HOOK2: variants seen among roughly 807,000 people sequenced by gnomAD.
HOOK2 encodes the protein hook microtubule tethering protein 2.
Under a neutral mutation model 111.9 loss-of-function variants are expected in HOOK2, and 108 were observed. That is an observed-to-expected ratio of 0.96 (90% CI 0.83 to 1.13). The LOEUF (loss-of-function observed/expected upper bound fraction) is 1.13, where lower values mean the gene tolerates loss of function less well. Among genes scored for constraint, HOOK2 ranks in the 50% most tolerant of loss-of-function variants. HOOK2 has a pLI of 0.00. For missense variants in HOOK2, 978 were observed against 951.3 expected, an observed-to-expected ratio of 1.03 and a Z score of -0.37; for synonymous variants, 405 against 394.3, an observed-to-expected ratio of 1.03 and a Z score of -0.32.
In HOOK2 at chr19:12,792,279, G is replaced by A. The variant is rs1449594379; in HGVS notation, n.42-18054C>T. 2 of 1,494,832 alleles carry A rather than the reference G, an allele frequency of 1.3e-6. No individual in the cohort carries two copies. Among genetic ancestry groups the A allele is most frequent in the Middle Eastern group, 1.8e-4 (1 of 5,702 alleles). The allele number at this position is 1,494,832 out of a possible 1,614,324, so 92.6% of individuals were successfully genotyped here. A position where few individuals can be genotyped will look rare whatever the true frequency, so the allele number is the denominator to read the frequency against. On this transcript the variant is annotated intron_variant and non_coding_transcript_variant, in intron 3 of 3. Coordinates refer to the HOOK2 transcript ENST00000589765. Reference sequence around the variant, plus strand: ...TACCGGGGGGCCCCCGGCTGGGCCCGGGGGCGTCTACGCCGGCCCGGAGCC... The same window carrying A: ...TACCGGGGGGCCCCCGGCTGGGCCCAGGGGCGTCTACGCCGGCCCGGAGCC...
chr19:12,782,923 C>T (rs1032308094), upstream of HOOK2, among the ~76,000 whole-genome samples: 6 of 151,714 alleles, frequency 4.0e-5, no homozygotes, highest in East Asian at 1.9e-4. Context: ...GAGCTTCCCG[C>T]GTAGCCAGGC....
rs1315536660 is a variant in HOOK2, at chr19:12,769,901, G to T, written c.1084C>A (p.Leu362Met). The change falls in exon 11 of 23, where the codon CTG (leucine) becomes ATG (methionine). Residue 362 changes from leucine to methionine, a missense_variant. This residue lies in a region of HOOK2 where 388 missense variants were observed against 358.3 expected (regional missense o/e 1.08). Transcript: ENST00000397668. Reference protein sequence around the residue: ...LRRAGSLRAQLEAQRRQVQEL... With the variant: ...LRRAGSLRAQMEAQRRQVQEL... ...CGCACCTGCCGCCGCTGCGCCTCCA[G>T]CTGGGCGCGCAGGGAGCCCGCTCGG... is the stretch of plus-strand genomic sequence containing the variant. 6.7e-7 allele frequency: 1 copy of T among 1,496,192 alleles called. No homozygotes were observed. Among genetic ancestry groups the T allele is most frequent in the East Asian group, 2.8e-5 (1 of 36,130 alleles). 92.7% of individuals were successfully genotyped at this position (1,496,192 alleles called of 1,614,324 possible). A position where few individuals can be genotyped will look rare whatever the true frequency, so the allele number is the denominator to read the frequency against.
At chr19:12,771,768 G>T (rs1240191365) in intron 7 of HOOK2, 1 of 433,120 alleles carries the variant, frequency 2.3e-6, no homozygotes, top group Admixed American at 3.6e-5. Context: ...TGTAGTCCTG[G>T]CTACTCGGGA....
upstream of HOOK2, among the ~76,000 whole-genome samples, chr19:12,776,226 G>A (rs1371375256): frequency 6.6e-6 from 1 of 151,916 alleles, no homozygotes; most frequent in Non-Finnish European, 1.5e-5. Flanking sequence ...CCGTTGTGCG[G>A]GGAGGGGCGA....
chr19:12,768,334 G>A (rs1023820750), intron 11 of HOOK2, among the ~76,000 whole-genome samples: 2 of 151,900 alleles, frequency 1.3e-5, no homozygotes, highest in Non-Finnish European at 2.9e-5. Flanking sequence ...GCCTCAAGCA[G>A]TCCTCCCACT....
intron 1 of HOOK2, 94 bp from the exon 2 acceptor site, chr19:12,774,991 ATGG>A: frequency 1.6e-6 from 2 of 1,257,832 alleles, no homozygotes; most frequent in Non-Finnish European, 2.2e-6. Context: ...CGAACCTCAC[ATGG>A]TGGGGCGGGC....
At chr19:12,776,491 C>T (rs1441667281), upstream of HOOK2, among the ~76,000 whole-genome samples, 1 of 151,304 alleles carries the variant, frequency 6.6e-6, no homozygotes, top group African/African-American at 2.4e-5. Context: ...ACCAGCCTGG[C>T]CAACATGGTG....
chr19:12,786,143 A>C lies in HOOK2; in HGVS notation n.42-11918T>G, dbSNP rs1968654023. Among the ~76,000 whole-genome samples, 1 of 152,142 alleles carries C rather than the reference A, an allele frequency of 6.6e-6. No homozygotes were observed. The highest frequency in any genetic ancestry group is 2.4e-5 in the African/African-American group (1 of 41,436). Reference sequence around the variant, plus strand: ...AGGGGGCAAAGGACCCCCAAACCACAGAGGTGGGAGAGGGAGGCGGCTGGT... The same window carrying C: ...AGGGGGCAAAGGACCCCCAAACCACCGAGGTGGGAGAGGGAGGCGGCTGGT... On this transcript the variant is annotated intron_variant and non_coding_transcript_variant, in intron 3 of 3. Transcript: ENST00000589765. The surrounding 1 kb of genome is among the most constrained non-coding windows in gnomAD (Gnocchi z 4.3).
chr19:12,771,379 C>A lies in HOOK2; in HGVS notation c.600+18G>T. 5 of 1,611,670 alleles carry A rather than the reference C, an allele frequency of 3.1e-6. No homozygotes were observed. The highest frequency in any genetic ancestry group is 4.2e-6 in the Non-Finnish European group (5 of 1,178,960). On this transcript the variant is annotated intron_variant, in intron 8 of 22. Coordinates refer to ENST00000397668, the MANE Select transcript of HOOK2 (RefSeq NM_013312.3). ...GAGAGGGGCTACTCAAGTGACCCTGCCCCACCTAGGGCCCTACCTGCCGCT... is the reference window on the plus strand; with the variant it reads ...GAGAGGGGCTACTCAAGTGACCCTGACCCACCTAGGGCCCTACCTGCCGCT...
chr19:12,768,505 C>T (rs1440284452), intron 11 of HOOK2, among the ~76,000 whole-genome samples: 1 of 152,048 alleles, frequency 6.6e-6, no homozygotes, highest in Non-Finnish European at 1.5e-5. Context: ...ATAAAATAGG[C>T]TTTATGGTAG....
At chr19:12,765,617 C>T in intron 18 of HOOK2, 73 bp downstream of exon 18, 1 of 1,548,864 alleles carries the variant, frequency 6.5e-7, no homozygotes, top group African/African-American at 1.4e-5. Flanking sequence ...GGCATGGTGG[C>T]ACATGCCTAA....
Position 12,786,510 on chromosome 19 carries a change from G to A in HOOK2, n.42-12285C>T, listed in dbSNP as rs530774854. On this transcript the variant is annotated intron_variant and non_coding_transcript_variant, in intron 3 of 3. Coordinates refer to the HOOK2 transcript ENST00000589765. This position sits in a 1 kb window ranked among gnomAD's most constrained non-coding sequence, Gnocchi z 4.3. ...GCCCTGGGGCACTGGGGAAGCCTGC[G>A]CAGGGACTTCTTAGCCAGGTGCTGG... Among the ~76,000 whole-genome samples, 3 of 152,112 alleles carry A rather than the reference G, an allele frequency of 2.0e-5. No homozygotes were observed. The highest frequency in any genetic ancestry group is 1.3e-4 in the Admixed American group (2 of 15,286).
At position 12,775,483 on chromosome 19, in the gene HOOK2, C is replaced by G. The variant is rs1214325723; in HGVS notation, c.-34G>C. The stretch of plus-strand genomic sequence containing the variant: ...ATCGGATTCAATCCAGGCCACGGAG[C>G]CCCGGCGCCGCAGCAGCCTCCGGGT... On this transcript the variant is annotated 5_prime_UTR_variant, in exon 1 of 23. Transcript: ENST00000397668. The G allele has an allele frequency of 1.2e-5, 19 of 1,596,206 alleles. No homozygotes were observed. In the East Asian group the frequency reaches 4.4e-4, roughly 37 times the overall value.
rs373749671 is a variant in HOOK2 at position 12,772,318 on chromosome 19, A to G, written c.457-66T>C. The G allele has an allele frequency of 1.9e-5, 29 of 1,524,276 alleles. 1 individual carries two copies. Among genetic ancestry groups the G allele is most frequent in the South Asian group, 4.5e-5 (4 of 89,262 alleles). 94.4% of individuals were successfully genotyped at this position (1,524,276 alleles called of 1,614,324 possible). On this transcript the variant is annotated intron_variant, in intron 6 of 22. Coordinates refer to ENST00000397668, the MANE Select transcript of HOOK2 (RefSeq NM_013312.3). ...GAGGCCAGCCTTCAAAGTATCTACTATCCAACCTGAGAACCTCTCCATCCT... is the reference window on the plus strand; with the variant it reads ...GAGGCCAGCCTTCAAAGTATCTACTGTCCAACCTGAGAACCTCTCCATCCT...
In HOOK2 at chr19:12,772,900, G is replaced by A; in HGVS notation, c.268C>T (p.Pro90Ser). The A allele has an allele frequency of 6.2e-7, 1 of 1,614,200 alleles. No homozygotes were observed. ...TCTGGGAGATGCTCTTCTGACACAGGATGCGCCAGGACCTGGGGAGAAGGG... is the reference window on the plus strand; with the variant it reads ...TCTGGGAGATGCTCTTCTGACACAGAATGCGCCAGGACCTGGGGAGAAGGG... ...VEYSQDVLAHPVSEEHLPDVS... is the reference protein window; with the variant it reads ...VEYSQDVLAHSVSEEHLPDVS... The change falls in exon 5 of 23, where the codon CCT becomes TCT. Residue 90 changes from proline (P) to serine (S), a missense_variant. Pro to Ser is a moderately conservative substitution (Grantham distance 74, BLOSUM62 -1). Around this residue, in one of 5 missense-constraint regions of HOOK2, gnomAD observed 301 missense variants for 286.1 expected, o/e 1.05. Coordinates refer to ENST00000397668, the MANE Select transcript of HOOK2 (RefSeq NM_013312.3).
Position 12,775,414 on chromosome 19 carries a change from C to G in HOOK2, c.36G>C (p.Leu12=). ...CCGCCCCACGACCTACCCAGGTGAG[C>G]AGAGACCCGCATAGCTCAGCTTTGT... ...SVDKAELCGS[L]LTWLQTFHVP... is the part of the protein sequence containing the mutation. The change falls in exon 1 of 23, where the codon CTG becomes CTC. Residue 12 remains leucine (L), a synonymous_variant. Transcript: ENST00000397668. 6.2e-7 allele frequency: 1 copy of G among 1,612,932 alleles called. No individual in the cohort carries two copies. The highest frequency in any genetic ancestry group is 8.5e-7 in the Non-Finnish European group (1 of 1,179,684).
chr19:12,780,382 A>T (rs533738542), upstream of HOOK2, among the ~76,000 whole-genome samples: 2 of 151,472 alleles, frequency 1.3e-5, no homozygotes, highest in African/African-American at 4.9e-5. Context: ...TTTGAGACGG[A>T]GTCTCACTCT....
upstream of HOOK2, chr19:12,775,757 C>T (rs1291563091): frequency 6.3e-6 from 2 of 318,624 alleles, no homozygotes; most frequent in Admixed American, 5.1e-5. Flanking sequence ...TCCCACCTCC[C>T]ATCCTCGCCC....
chr19:12,777,799 CCCG>C (rs1179772196), upstream of HOOK2, among the ~76,000 whole-genome samples: 4 of 152,382 alleles, frequency 2.6e-5, no homozygotes, highest in East Asian at 7.7e-4. Context: ...GCCCTGAAAC[CCCG>C]GCTGGGGCGG....
Sources: allele counts gnomAD v4.1 joint callset (sites outside exome capture counted in the v4.1 genomes callset), GRCh38; gene constraint gnomAD v4.1.1; regional missense constraint gnomAD v4.1.1; non-coding constraint Gnocchi (gnomAD v3.1); transcripts MANE v1.5; gene names NCBI Gene and HGNC (gene_info 2026-07-23, HGNC 2026-07-21).